DNM1: variants seen among roughly 807,000 people sequenced by gnomAD.
The protein encoded by DNM1 is dynamin 1.
Under a neutral mutation model 104.6 loss-of-function variants are expected in DNM1, and 29 were observed. The observed-to-expected ratio is 0.28, with a 90% confidence interval of 0.21 to 0.38. The LOEUF (loss-of-function observed/expected upper bound fraction) is 0.38. Ranked by LOEUF, DNM1 falls within the 10% of genes least tolerant of loss-of-function variation. The pLI, the probability that DNM1 is intolerant of heterozygous loss-of-function variation, is 1.00. For missense variants in DNM1, 640 were observed against 1,189.4 expected, an observed-to-expected ratio of 0.54 and a Z score of 6.79; for synonymous variants, 445 against 475.8, an observed-to-expected ratio of 0.94 and a Z score of 0.84.
intron 15 of DNM1, chr9:128,244,800 A>G: frequency 1.9e-6 from 1 of 534,136 alleles, no homozygotes; most frequent in Non-Finnish European, 3.9e-6. Flanking sequence ...TAGTCTAAAC[A>G]CTGGGTAGAC....
intron 10 of DNM1, chr9:128,232,063 G>C (rs751509396): frequency 3.5e-5 from 16 of 456,310 alleles, no homozygotes; most frequent in South Asian, 1.9e-4. Context: ...CTTCTCAAAG[G>C]GGTGGAGGCT....
rs146356069 is a variant in DNM1 at position 128,231,033 on chromosome 9, C to T, written c.1336-2988C>T. Among the ~76,000 whole-genome samples, 1,046 of 151,984 alleles carry T rather than the reference C, an allele frequency of 6.9e-3. 13 individuals are homozygous for T. Among genetic ancestry groups the T allele is most frequent in the African/African-American group, 0.024 (992 of 41,432 alleles). The stretch of plus-strand genomic sequence containing the variant: ...AGCCAGGCTGGTCTCAAACTCCTGA[C>T]CTCAAGTGATCTGCCTGCCTCGACC... On this transcript the variant is annotated intron_variant, in intron 10 of 21. Coordinates refer to ENST00000372923, the MANE Select transcript of DNM1 (RefSeq NM_004408.4).
rs1829435818 is a variant in DNM1, at chr9:128,250,368, G to T, written c.2318+12G>T. 6.4e-7 allele frequency: 1 copy of T among 1,558,604 alleles called. No individual in the cohort carries two copies. Among genetic ancestry groups the T allele is most frequent in the South Asian group, 1.2e-5 (1 of 86,072 alleles). ...CCGGCCGGACGCAGGTACCAGGGCC[G>T]GCCCCCACGGCCCCAAAGCCCCCCA... is the stretch of plus-strand genomic sequence containing the variant. On this transcript the variant is annotated intron_variant, in intron 20 of 21. Transcript: ENST00000372923.
chr9:128,232,065 G>A (rs926364671), intron 10 of DNM1: 3 of 456,198 alleles, frequency 6.6e-6, no homozygotes, highest in African/African-American at 6.0e-5. Context: ...TCTCAAAGGG[G>A]TGGAGGCTGC....
chr9:128,250,674 C>A, intron 20 of DNM1, 51 bp from the exon 21 acceptor site: 1 of 1,376,042 alleles, frequency 7.3e-7, no homozygotes, highest in Non-Finnish European at 9.5e-7. Flanking sequence ...TCTGGGTGGG[C>A]GGAGCTGCTC....
intron 1 of DNM1, among the ~76,000 whole-genome samples, chr9:128,213,112 C>T (rs1340898308): frequency 6.6e-6 from 1 of 152,186 alleles, no homozygotes; most frequent in Non-Finnish European, 1.5e-5. Flanking sequence ...GATAGAGTCT[C>T]ACTCTGTCAT....
chr9:128,249,965 G>A (rs893499789), intron 19 of DNM1, 150 bp from the exon 20 acceptor site: 2 of 1,136,522 alleles, frequency 1.8e-6, no homozygotes, highest in Non-Finnish European at 2.5e-6. Flanking sequence ...TGAGAAAAGC[G>A]CGGTGGGGAG....
intron 1 of DNM1, among the ~76,000 whole-genome samples, chr9:128,210,517 C>T (rs1834225110): frequency 6.6e-6 from 1 of 152,094 alleles, no homozygotes; most frequent in Admixed American, 6.5e-5. Context: ...CACCCGCCAT[C>T]ATGCCTGGCT....
chr9:128,232,094 TG>T (rs1183427501), intron 10 of DNM1: 1 of 454,014 alleles, frequency 2.2e-6, no homozygotes, highest in East Asian at 7.0e-5. Context: ...GGGTGACACG[TG>T]GAAAACTTGA....
rs61020870 is a variant in DNM1, at chr9:128,220,742, C to CGCGCGTGTGTGT, written c.849+402_849+403insCGCGTGTGTGTG. 3.4e-4 allele frequency among the ~76,000 whole-genome samples: 46 copies of CGCGCGTGTGTGT among 136,362 alleles called. No homozygotes were observed. The highest frequency in any genetic ancestry group is 1.2e-3 in the African/African-American group (45 of 37,808). The allele number at this position is 136,362 out of a possible 152,430, so 89.5% of individuals were successfully genotyped here. ...CAGAACTGAAGTGCGCGCGCGCGCG[C>CGCGCGTGTGTGT]GTGTGTGTGTGTGTGTGTGTGTGTG... On this transcript the variant is annotated intron_variant, in intron 6 of 21. Coordinates refer to ENST00000372923, the MANE Select transcript of DNM1 (RefSeq NM_004408.4). This position sits in a 1 kb window ranked among gnomAD's most constrained non-coding sequence, Gnocchi z 5.2.
At position 128,243,941 on chromosome 9, in the gene DNM1, TTG is replaced by T. The variant is rs34446611; in HGVS notation, c.1671+1623_1671+1624del. On this transcript the variant is annotated intron_variant, in intron 15 of 21. Transcript: ENST00000372923. This position sits in a 1 kb window ranked among gnomAD's most constrained non-coding sequence, Gnocchi z 4.0. ...GTGGGTGCTGGGAGGCGGGGTGTGT[TTG>T]TGTGTGTGTGTGTGTGTGTGTGTGT... Among the ~76,000 whole-genome samples the T allele has an allele frequency of 0.084, 11,970 of 142,764 alleles. 538 individuals carry two copies. The highest frequency in any genetic ancestry group is 0.2 in the East Asian group (985 of 4,878). 93.7% of individuals were successfully genotyped at this position (142,764 alleles called of 152,430 possible).
Position 128,224,176 on chromosome 9 carries a change from G to A in DNM1, c.1197-75G>A, listed in dbSNP as rs1257432493. 6.5e-7 allele frequency: 1 copy of A among 1,537,954 alleles called. No homozygotes were observed. The highest frequency in any genetic ancestry group is 2.3e-5 in the East Asian group (1 of 43,416). ...CTCAGGCAGAGTTCGTGGGCTTGGG[G>A]AGGAGCCTCGGCCTGGCCCTCCTGG... On this transcript the variant is annotated intron_variant, in intron 9 of 21. Transcript: ENST00000372923. The surrounding 1 kb of genome is among the most constrained non-coding windows in gnomAD (Gnocchi z 4.3).
intron 10 of DNM1, among the ~76,000 whole-genome samples, chr9:128,233,257 C>T (rs1187533463): frequency 6.6e-6 from 1 of 152,178 alleles, no homozygotes; most frequent in Admixed American, 6.6e-5. Context: ...CAGAGCCGGG[C>T]AGATGTGGCT....
chr9:128,254,573 GGCC>G lies in DNM1; in HGVS notation c.2535-79_2535-77del. ...CCACTGCTGCGGCGCGGCCGGCCCC[GGCC>G]GTGTGCTGCGCTTGCCTTACCAGCT... On this transcript the variant is annotated intron_variant, in intron 21 of 21. Coordinates refer to ENST00000372923, the MANE Select transcript of DNM1 (RefSeq NM_004408.4). This position sits in a 1 kb window ranked among gnomAD's most constrained non-coding sequence, Gnocchi z 6.1. The G allele has an allele frequency of 3.6e-6, 5 of 1,373,148 alleles. No individual in the cohort carries two copies. The highest frequency in any genetic ancestry group is 1.1e-5 in the South Asian group (1 of 87,856). 85.1% of individuals were successfully genotyped at this position (1,373,148 alleles called of 1,614,324 possible). A position where few individuals can be genotyped will look rare whatever the true frequency, so the allele number is the denominator to read the frequency against.
intron 10 of DNM1, among the ~76,000 whole-genome samples, chr9:128,232,939 C>T (rs1002104159): frequency 6.6e-6 from 1 of 152,180 alleles, no homozygotes; most frequent in Non-Finnish European, 1.5e-5. Context: ...AGCCCTGCCT[C>T]GGGGACAGTT....
At chr9:128,242,643 C>T (rs568424858) in intron 15 of DNM1, among the ~76,000 whole-genome samples, 49 of 152,200 alleles carry the variant, frequency 3.2e-4, no homozygotes, top group African/African-American at 1.2e-3. Context: ...GCCTGTAATC[C>T]CAGCTACTAG....
chr9:128,246,798 T>G, intron 16 of DNM1: 11 of 413,924 alleles, frequency 2.7e-5, no homozygotes, highest in East Asian at 1.4e-4. Context: ...CATTCTCCCC[T>G]TCCCTCCCTC....
At position 128,254,459 on chromosome 9, in the gene DNM1, C is replaced by T. The variant is rs1829724754; in HGVS notation, c.2535-195C>T. 1 of 1,484,356 alleles carries T rather than the reference C, an allele frequency of 6.7e-7. No individual in the cohort carries two copies. The highest frequency in any genetic ancestry group is 8.9e-7 in the Non-Finnish European group (1 of 1,125,588). The allele number at this position is 1,484,356 out of a possible 1,614,324, so 91.9% of individuals were successfully genotyped here. A position where few individuals can be genotyped will look rare whatever the true frequency, so the allele number is the denominator to read the frequency against. ...GCTATCTGTGAAGCTACGGCTCCTCCCTCCATCTTCCTCCCCTTTCCCTTC... is the reference window on the plus strand; with the variant it reads ...GCTATCTGTGAAGCTACGGCTCCTCTCTCCATCTTCCTCCCCTTTCCCTTC... On this transcript the variant is annotated intron_variant, in intron 21 of 21. Coordinates refer to ENST00000372923, the MANE Select transcript of DNM1 (RefSeq NM_004408.4). This position sits in a 1 kb window ranked among gnomAD's most constrained non-coding sequence, Gnocchi z 6.1.
intron 20 of DNM1, 105 bp downstream of exon 20, chr9:128,250,461 A>C: frequency 2.4e-6 from 3 of 1,265,114 alleles, no homozygotes; most frequent in Non-Finnish European, 3.2e-6. Flanking sequence ...GGTGGCTCCC[A>C]CCTGGAGCGA....
Sources: gnomAD v4.1 joint callset for allele counts (sites outside exome capture counted in the v4.1 genomes callset) on GRCh38, gnomAD v4.1.1 for gene constraint, Gnocchi (gnomAD v3.1) non-coding constraint, MANE v1.5 for transcripts, NCBI Gene and HGNC (gene_info 2026-07-23, HGNC 2026-07-21) for gene names.